SIRT4: variants seen among roughly 807,000 people sequenced by gnomAD.
SIRT4 encodes the protein sirtuin 4.
A neutral mutation model predicts 26.1 loss-of-function variants in SIRT4; 23 were observed. The observed-to-expected ratio is 0.88, with a 90% CI of 0.63 to 1.25. The LOEUF (loss-of-function observed/expected upper bound fraction) is 1.25. SIRT4 is among the 50% of genes most tolerant of loss of function. The pLI is 0.00. For synonymous variants in SIRT4, 155 were observed against 158.4 expected (o/e 0.98, Z 0.16); for missense variants, 361 against 405.4 (o/e 0.89, Z 0.94).
At position 120,310,789 on chromosome 12, in the gene SIRT4, G is replaced by A. The variant is rs548582253; in HGVS notation, c.498-1667G>A. On this transcript the variant is annotated intron_variant, in intron 2 of 3. Coordinates refer to ENST00000202967, the MANE Select transcript of SIRT4 (RefSeq NM_012240.3). ...TCTCGCTCGTTGCCCAGGCTGGAGT[G>A]CAGTGGTGCTATCTCGGCTCACTGC... Among the ~76,000 whole-genome samples the A allele has an allele frequency of 2.2e-3, 334 of 151,030 alleles. 1 individual carries two copies. Among genetic ancestry groups the A allele is most frequent in the Non-Finnish European group, 4.0e-3 (273 of 67,720 alleles).
chr12:120,296,346 T>C, the SIRT4 span, among the ~76,000 whole-genome samples: 79 of 151,508 alleles, frequency 5.2e-4, no homozygotes, highest in Non-Finnish European at 9.1e-4. Context: ...GCCTCCCGAG[T>C]AGCTGGGACT....
chr12:120,307,443 C>T (rs375974060), intron 2 of SIRT4, among the ~76,000 whole-genome samples: 2 of 151,840 alleles, frequency 1.3e-5, no homozygotes, highest in South Asian at 2.1e-4. Context: ...GAGCCAAGAT[C>T]GTGCCATTGC....
At chr12:120,299,462 G>C (rs1032596499), upstream of SIRT4, among the ~76,000 whole-genome samples, 7 of 149,484 alleles carry the variant, frequency 4.7e-5, no homozygotes, top group African/African-American at 1.7e-4. Context: ...CGAGGCAGCA[G>C]AATCACTTCA....
upstream of SIRT4, among the ~76,000 whole-genome samples, chr12:120,298,784 G>T (rs191201080): frequency 2.8e-3 from 424 of 151,356 alleles, 4 homozygotes; most frequent in Middle Eastern, 0.014. Context: ...GCGGGCACCC[G>T]TAATCCCAGC....
chr12:120,291,894 G>C, the SIRT4 span: 2 of 152,236 alleles, frequency 1.3e-5, no homozygotes, highest in South Asian at 2.1e-4. Context: ...TACTGCCACT[G>C]CGCAAAGCTG....
chr12:120,295,105 C>T, the SIRT4 span, among the ~76,000 whole-genome samples: 2 of 151,348 alleles, frequency 1.3e-5, no homozygotes, highest in African/African-American at 2.4e-5. Flanking sequence ...TGCTGAGCCA[C>T]GGCGCCCGGC....
At position 120,304,010 on chromosome 12, in the gene SIRT4, C is replaced by G; in HGVS notation, c.449C>G (p.Thr150Ser). The G allele has an allele frequency of 6.2e-7, 1 of 1,613,282 alleles. No homozygotes were observed. The highest frequency in any genetic ancestry group is 8.5e-7 in the Non-Finnish European group (1 of 1,180,028). ...LVTQNVDALH[T>S]KAGSRRLTEL... is the part of the protein sequence containing the mutation. ...ACCCAAAATGTGGATGCTTTGCACA[C>G]CAAGGCGGGGAGTCGGCGCCTGACA... Residue 150 changes from threonine to serine, a missense_variant, in exon 2 of 4, where the codon ACC becomes AGC. Transcript: ENST00000202967.
the SIRT4 span, among the ~76,000 whole-genome samples, chr12:120,295,809 A>G: frequency 1.3e-5 from 2 of 151,556 alleles, no homozygotes; most frequent in Admixed American, 6.6e-5. Context: ...TGTAATCCCA[A>G]CGCTTTGGGA....
At chr12:120,294,344 C>T in the SIRT4 span, among the ~76,000 whole-genome samples, 1 of 151,554 alleles carries the variant, frequency 6.6e-6, no homozygotes, top group Non-Finnish European at 1.5e-5. Context: ...GCTTTTGTTG[C>T]CCAGGCTGGA....
upstream of SIRT4, among the ~76,000 whole-genome samples, chr12:120,301,189 A>AC (rs201236067): frequency 0.013 from 2,027 of 152,238 alleles, 40 homozygotes; most frequent in Middle Eastern, 0.048. Context: ...TACTAAAAAT[A>AC]AAAAAATTAA....
the SIRT4 span, among the ~76,000 whole-genome samples, chr12:120,296,516 GTT>G: frequency 2.9e-3 from 346 of 117,716 alleles, 1 homozygote; most frequent in African/African-American, 9.2e-3. Flanking sequence ...TTTTTTTTTT[GTT>G]TTTTTTTTTT....
intron 2 of SIRT4, among the ~76,000 whole-genome samples, chr12:120,309,070 T>C (rs1428370108): frequency 6.6e-6 from 1 of 151,928 alleles, no homozygotes; most frequent in Non-Finnish European, 1.5e-5. Context: ...TCCCAGCTAC[T>C]CGGGAGGCTG....
At chr12:120,301,429 A>G (rs1872542714), upstream of SIRT4, among the ~76,000 whole-genome samples, 2 of 152,260 alleles carry the variant, frequency 1.3e-5, no homozygotes, top group African/African-American at 2.4e-5. Context: ...TCACAAGTTC[A>G]AGGTATTTTA....
intron 2 of SIRT4, 95 bp downstream of exon 2, chr12:120,304,153 G>A: frequency 1.4e-6 from 2 of 1,453,016 alleles, no homozygotes; most frequent in South Asian, 2.7e-5. Flanking sequence ...CTTAGACCTT[G>A]AGAAAAGGAT....
At chr12:120,298,929 A>AAATAAATG (rs1489355854), upstream of SIRT4, among the ~76,000 whole-genome samples, 1 of 137,614 alleles carries the variant, frequency 7.3e-6, no homozygotes, top group Non-Finnish European at 1.6e-5. Flanking sequence ...ATAAATAAAT[A>AAATAAATG]AATAAATAAA....
intron 1 of SIRT4, among the ~76,000 whole-genome samples, chr12:120,302,645 A>G (rs181958355): frequency 6.6e-6 from 1 of 152,246 alleles, no homozygotes; most frequent in Admixed American, 6.5e-5. Context: ...AATAATGTTT[A>G]CATACGGGGT....
chr12:120,313,043 C>G lies in SIRT4; in HGVS notation c.*7C>G. ...TTTGATAGACCCATGCTGACCACAG[C>G]CTGATATTCCAGAACCTGGAACAGG... On this transcript the variant is annotated 3_prime_UTR_variant, in exon 4 of 4. Transcript: ENST00000202967. The G allele has an allele frequency of 6.2e-7, 1 of 1,613,976 alleles. No individual in the cohort carries two copies. Among genetic ancestry groups the G allele is most frequent in the Non-Finnish European group, 8.5e-7 (1 of 1,179,984 alleles).
At chr12:120,312,159 T>G (rs148273769) in intron 2 of SIRT4, among the ~76,000 whole-genome samples, 2 of 152,026 alleles carry the variant, frequency 1.3e-5, no homozygotes, top group East Asian at 1.9e-4. Context: ...GGCGCGTGTT[T>G]GTAGTGCAGT....
chr12:120,304,833 ATAT>A (rs1872688244), intron 2 of SIRT4, among the ~76,000 whole-genome samples: 2 of 8,222 alleles, frequency 2.4e-4, no homozygotes, highest in African/African-American at 4.7e-4. Flanking sequence ...ATATATATAT[ATAT>A]TTTTTTTTTT....
Sources: gnomAD v4.1 joint callset for allele counts (sites outside exome capture counted in the v4.1 genomes callset) on GRCh38, gnomAD v4.1.1 for gene constraint, MANE v1.5 for transcripts, NCBI Gene and HGNC (gene_info 2026-07-23, HGNC 2026-07-21) for gene names.